CLASP1: variants seen among roughly 807,000 people sequenced by gnomAD.
CLASP1 encodes cytoplasmic linker associated protein 1.
Under a neutral mutation model 192.3 loss-of-function variants are expected in CLASP1, and 38 were observed. The ratio of observed to expected loss-of-function variants is 0.20; its 90% CI spans 0.15 to 0.26. The LOEUF is 0.26. Ranked by LOEUF, CLASP1 falls within the 10% of genes least tolerant of loss-of-function variation. The pLI is 1.00. For missense variants in CLASP1, 1,433 were observed against 1,932.5 expected, an observed-to-expected ratio of 0.74 and a Z score of 4.85; for synonymous variants, 691 against 712.8, an observed-to-expected ratio of 0.97 and a Z score of 0.49.
In CLASP1 at chr2:121,407,324, T is replaced by G; in HGVS notation, c.2669+147A>C. The G allele has an allele frequency of 3.6e-6, 3 of 842,662 alleles. 1 individual carries two copies. The highest frequency in any genetic ancestry group is 3.7e-5 in the South Asian group (2 of 54,558). The allele number at this position is 842,662 out of a possible 1,614,324, so 52.2% of individuals were successfully genotyped here. On this transcript the variant is annotated intron_variant, in intron 25 of 39. Transcript: ENST00000263710. ...ACTGTGTCTTAGTCATCTTGGTACC[T>G]TTAGTGCCTGTTCCTGCAAGCAGAC...
At chr2:121,579,743 G>T (rs2060926615) in intron 2 of CLASP1, among the ~76,000 whole-genome samples, 1 of 152,054 alleles carries the variant, frequency 6.6e-6, no homozygotes, top group African/African-American at 2.4e-5. Flanking sequence ...GCCAGATTTG[G>T]CTTACTCTGA....
intron 2 of CLASP1, among the ~76,000 whole-genome samples, chr2:121,542,542 C>T (rs77351816): frequency 0.014 from 2,126 of 152,282 alleles, 42 homozygotes; most frequent in African/African-American, 0.047. Flanking sequence ...TACACATGTA[C>T]GATGGCAGAA....
chr2:121,512,324 G>A (rs1375487777), intron 7 of CLASP1, among the ~76,000 whole-genome samples: 3 of 152,316 alleles, frequency 2.0e-5, no homozygotes, highest in Admixed American at 2.0e-4. Flanking sequence ...GTCAAGATAT[G>A]CTAAAAGTCT....
At chr2:121,611,258 T>A (rs2065413534) in intron 1 of CLASP1, among the ~76,000 whole-genome samples, 1 of 103,736 alleles carries the variant, frequency 9.6e-6, no homozygotes, top group Admixed American at 1.0e-4. Flanking sequence ...TTGGAGGAGT[T>A]ACAGGAGGAA....
chr2:121,506,862 T>C (rs576925585), intron 7 of CLASP1, among the ~76,000 whole-genome samples: 1 of 152,166 alleles, frequency 6.6e-6, no homozygotes, highest in South Asian at 2.1e-4. Flanking sequence ...TGGCAACATA[T>C]AACAAAGAAC....
At chr2:121,535,037 G>A (rs1226814851) in intron 2 of CLASP1, among the ~76,000 whole-genome samples, 2 of 152,184 alleles carry the variant, frequency 1.3e-5, no homozygotes, top group East Asian at 3.9e-4. Flanking sequence ...GGAGGCCAAG[G>A]CAGGCAGAGG....
At chr2:121,620,112 C>T (rs2067087977) in intron 1 of CLASP1, among the ~76,000 whole-genome samples, 1 of 151,396 alleles carries the variant, frequency 6.6e-6, no homozygotes, top group Non-Finnish European at 1.5e-5. Context: ...ATCCCAGCTA[C>T]TGAGGAGGCT....
intron 19 of CLASP1, among the ~76,000 whole-genome samples, chr2:121,443,042 A>G (rs1033276988): frequency 1.1e-4 from 17 of 152,176 alleles, no homozygotes; most frequent in African/African-American, 2.4e-4. Flanking sequence ...AACCCAGAAG[A>G]GTTCAAACTC....
At chr2:121,435,705 CA>C (rs1429073044) in intron 19 of CLASP1, among the ~76,000 whole-genome samples, 1 of 152,134 alleles carries the variant, frequency 6.6e-6, no homozygotes, top group Non-Finnish European at 1.5e-5. Flanking sequence ...ATGAAAAACG[CA>C]GCCATTAAAT....
intron 1 of CLASP1, among the ~76,000 whole-genome samples, chr2:121,626,581 C>T (rs1202733772): frequency 6.6e-6 from 1 of 151,212 alleles, no homozygotes; most frequent in Non-Finnish European, 1.5e-5. Flanking sequence ...ATTTTGATTC[C>T]TTTTTTTTTG....
chr2:121,405,146 T>C (rs1202801560), intron 25 of CLASP1, among the ~76,000 whole-genome samples: 2 of 151,990 alleles, frequency 1.3e-5, no homozygotes, highest in Admixed American at 1.3e-4. Context: ...CTGTCCCTAC[T>C]AAAAATAAAA....
chr2:121,486,841 G>A (rs968422189), intron 8 of CLASP1, among the ~76,000 whole-genome samples: 40 of 152,012 alleles, frequency 2.6e-4, no homozygotes, highest in Non-Finnish European at 5.6e-4. Flanking sequence ...ATACCATACC[G>A]CTACATACGA....
chr2:121,429,882 A>G (rs763716413), intron 20 of CLASP1, among the ~76,000 whole-genome samples, 191 bp downstream of exon 20: 6 of 152,238 alleles, frequency 3.9e-5, no homozygotes, highest in Non-Finnish European at 8.8e-5. Context: ...TGGACAGGAG[A>G]CAAATGTATG....
At chr2:121,465,257 A>G (rs1285792067) in intron 9 of CLASP1, among the ~76,000 whole-genome samples, 1 of 152,192 alleles carries the variant, frequency 6.6e-6, no homozygotes, top group Non-Finnish European at 1.5e-5. Flanking sequence ...ACATGATTGT[A>G]TATCTAGAAA....
chr2:121,421,635 C>T (rs2079523387), intron 22 of CLASP1, among the ~76,000 whole-genome samples: 1 of 152,244 alleles, frequency 6.6e-6, no homozygotes, highest in Non-Finnish European at 1.5e-5. Context: ...CTCCGCCTTC[C>T]AGGTTTAAGT....
chr2:121,503,101 A>G (rs1196977264), intron 8 of CLASP1, 66 bp downstream of exon 8: 3 of 1,005,264 alleles, frequency 3.0e-6, no homozygotes, highest in African/African-American at 1.6e-5. Flanking sequence ...AGCTCTTCAC[A>G]TATAACATAA....
chr2:121,377,442 T>A lies in CLASP1; in HGVS notation c.3642+57A>T, dbSNP rs544185363. ...AATCATGATGGTCAGTGTTCAGAAG[T>A]CTCATTATCTGTCATTTAACTCATA... On this transcript the variant is annotated intron_variant, in intron 34 of 39. Transcript: ENST00000263710. 1.1e-5 allele frequency: 13 copies of A among 1,237,696 alleles called. No homozygotes were observed. The South Asian group carries it at 1.8e-4, about 17-fold the overall frequency. 76.7% of individuals were successfully genotyped at this position (1,237,696 alleles called of 1,614,324 possible). A position where few individuals can be genotyped will look rare whatever the true frequency, so the allele number is the denominator to read the frequency against.
chr2:121,524,233 C>T (rs896384150), intron 6 of CLASP1, among the ~76,000 whole-genome samples: 6 of 152,112 alleles, frequency 3.9e-5, no homozygotes, highest in African/African-American at 7.2e-5. Flanking sequence ...CTCCATGTGG[C>T]GGCAGCGAAA....
At chr2:121,401,436 CAA>C (rs1394348311) in intron 28 of CLASP1, 71 bp downstream of exon 29, 5 of 1,243,806 alleles carry the variant, frequency 4.0e-6, no homozygotes, top group Non-Finnish European at 4.5e-6. Context: ...CCATGGGTAA[CAA>C]AAGAGAATGG....
Sources: gnomAD v4.1 joint callset for allele counts (sites outside exome capture counted in the v4.1 genomes callset) on GRCh38, gnomAD v4.1.1 for gene constraint, MANE v1.5 for transcripts, NCBI Gene and HGNC (gene_info 2026-07-23, HGNC 2026-07-21) for gene names.